LZTFL1: variants seen among roughly 807,000 people sequenced by gnomAD.
The protein encoded by LZTFL1 is leucine zipper transcription factor-like protein 1.
A neutral mutation model predicts 45.9 loss-of-function variants in LZTFL1; 25 were observed. The ratio of observed to expected loss-of-function variants is 0.54; its 90% confidence interval spans 0.40 to 0.76. The LOEUF (loss-of-function observed/expected upper bound fraction) is 0.76, where lower values mean the gene tolerates loss of function less well. LZTFL1 is among the 30% of genes least tolerant of loss of function. LZTFL1 has a pLI of 0.00. For synonymous variants in LZTFL1, 93 were observed against 117.4 expected, an observed-to-expected ratio of 0.79 and a Z score of 1.35; for missense variants, 277 against 331.1, an observed-to-expected ratio of 0.84 and a Z score of 1.27.
At chr3:45,863,536 A>G in intron 2 of LZTFL1, among the ~76,000 whole-genome samples, 1 of 152,210 alleles carries the variant, frequency 6.6e-6, no homozygotes, top group East Asian at 1.9e-4. Flanking sequence ...TGATCCTAGC[A>G]TCAGGAATAG....
At chr3:45,867,236 G>C (rs1701593449) in intron 2 of LZTFL1, among the ~76,000 whole-genome samples, 1 of 149,372 alleles carries the variant, frequency 6.7e-6, no homozygotes, top group South Asian at 2.1e-4. Flanking sequence ...CTTTCACTCA[G>C]TTTCCCCTTT....
intron 2 of LZTFL1, among the ~76,000 whole-genome samples, chr3:45,865,738 G>A (rs996595391): frequency 6.6e-6 from 1 of 152,154 alleles, no homozygotes; most frequent in Non-Finnish European, 1.5e-5. Context: ...CAGTTTGGCA[G>A]TTCCTCAAAA....
At chr3:45,849,516 A>G (rs1204607863) in intron 4 of LZTFL1, among the ~76,000 whole-genome samples, 1 of 152,236 alleles carries the variant, frequency 6.6e-6, no homozygotes, top group African/African-American at 2.4e-5. Context: ...TGATATAAAG[A>G]AAAGTTACAT....
At chr3:45,872,671 C>T (rs1701688158) in intron 2 of LZTFL1, among the ~76,000 whole-genome samples, 1 of 152,142 alleles carries the variant, frequency 6.6e-6, no homozygotes, top group Admixed American at 6.5e-5. Flanking sequence ...GTCTGGGGCA[C>T]ACAATTTGAG....
At chr3:45,836,325 C>T (rs1009906809) in intron 2 of LZTFL1, among the ~76,000 whole-genome samples, 9 of 152,060 alleles carry the variant, frequency 5.9e-5, no homozygotes, top group Non-Finnish European at 1.3e-4. Flanking sequence ...GAACACTCCA[C>T]AAAAATGAAT....
At chr3:45,880,792 T>C (rs1404189608) in intron 2 of LZTFL1, among the ~76,000 whole-genome samples, 1 of 152,140 alleles carries the variant, frequency 6.6e-6, no homozygotes, top group African/African-American at 2.4e-5. Flanking sequence ...GTGTCACTAC[T>C]GTAGTGGGCC....
intron 2 of LZTFL1, among the ~76,000 whole-genome samples, chr3:45,874,971 C>T (rs1434878260): frequency 6.6e-6 from 1 of 152,232 alleles, no homozygotes; most frequent in South Asian, 2.1e-4. Flanking sequence ...CCTGGGCTAG[C>T]AGGCCCAACT....
At chr3:45,830,224 T>C (rs1700778725) in intron 7 of LZTFL1, among the ~76,000 whole-genome samples, 1 of 152,224 alleles carries the variant, frequency 6.6e-6, no homozygotes, top group Admixed American at 6.5e-5. Flanking sequence ...GAAAAGCCAA[T>C]GCTGTACTGA....
At chr3:45,860,636 T>C (rs898813961) in intron 2 of LZTFL1, among the ~76,000 whole-genome samples, 2 of 152,190 alleles carry the variant, frequency 1.3e-5, no homozygotes, top group African/African-American at 4.8e-5. Flanking sequence ...GCCAGGCTCA[T>C]ATGCTTCAGT....
intron 2 of LZTFL1, among the ~76,000 whole-genome samples, chr3:45,885,700 A>G (rs1297722669): frequency 1.3e-5 from 2 of 152,228 alleles, no homozygotes; most frequent in African/African-American, 4.8e-5. Context: ...ACCTGGCATG[A>G]CTGAGAAACT....
In LZTFL1 at chr3:45,902,106, G is replaced by C. The variant is rs201544941; in HGVS notation, c.-215+11014C>G. On this transcript the variant is annotated intron_variant, in intron 2 of 4. Transcript: ENST00000472635. The stretch of plus-strand genomic sequence containing the variant: ...TGCAGGAGGCTGTTGATTGGCTCTT[G>C]ACTGTGATGCCCGCAATTCTCAAAG... 35 of 517,312 alleles carry C rather than the reference G, an allele frequency of 6.8e-5. No homozygotes were observed. In the South Asian group the frequency reaches 1.2e-3, roughly 18 times the overall value. The allele number at this position is 517,312 out of a possible 1,614,324, so 32.0% of individuals were successfully genotyped here. A position where few individuals can be genotyped will look rare whatever the true frequency, so the allele number is the denominator to read the frequency against.
intron 2 of LZTFL1, among the ~76,000 whole-genome samples, chr3:45,874,647 T>C (rs538394307): frequency 5.3e-5 from 8 of 152,180 alleles, no homozygotes; most frequent in Non-Finnish European, 1.2e-4. Flanking sequence ...CAATTAATAG[T>C]CTCCCTGTAT....
intron 2 of LZTFL1, chr3:45,883,802 A>G (rs1477446281): frequency 7.4e-6 from 4 of 540,972 alleles, no homozygotes; most frequent in Non-Finnish European, 1.4e-5. Flanking sequence ...CAAGGCCCCA[A>G]GACCATGAAG....
intron 2 of LZTFL1, among the ~76,000 whole-genome samples, chr3:45,864,063 C>T (rs566436840): frequency 2.0e-5 from 3 of 152,262 alleles, no homozygotes; most frequent in South Asian, 2.1e-4. Context: ...CACAGCTGGA[C>T]ACTATGTGGG....
At chr3:45,840,768 T>A (rs1405917802) in intron 1 of LZTFL1, among the ~76,000 whole-genome samples, 1 of 152,126 alleles carries the variant, frequency 6.6e-6, no homozygotes, top group Non-Finnish European at 1.5e-5. Context: ...CCAGAAAGGG[T>A]TCCCTGTTCT....
In LZTFL1 at chr3:45,912,433, G is replaced by A. The variant is rs186530132; in HGVS notation, c.-215+687C>T. On this transcript the variant is annotated intron_variant, in intron 2 of 4. Transcript: ENST00000472635. The stretch of plus-strand genomic sequence containing the variant: ...TTTTCCCACACCTGGAATCTGGGCT[G>A]GCCTGTGACTTGCTCTGACCAACAG... Among the ~76,000 whole-genome samples, 193 of 152,286 alleles carry A rather than the reference G, an allele frequency of 1.3e-3. 1 individual carries two copies. The highest frequency in any genetic ancestry group is 0.01 in the Middle Eastern group (3 of 294).
chr3:45,890,414 A>T (rs1322323210), intron 2 of LZTFL1, among the ~76,000 whole-genome samples: 1 of 137,672 alleles, frequency 7.3e-6, no homozygotes, highest in Non-Finnish European at 1.5e-5. Flanking sequence ...CAACCTCCGT[A>T]TTCCCCAAGC....
upstream of LZTFL1, among the ~76,000 whole-genome samples, chr3:45,844,894 C>G (rs1459700150): frequency 6.6e-6 from 1 of 152,084 alleles, no homozygotes; most frequent in Non-Finnish European, 1.5e-5. Flanking sequence ...AGTGGTTCAC[C>G]ATAAAATACA....
At chr3:45,839,342 C>A (rs1448330821) in intron 1 of LZTFL1, among the ~76,000 whole-genome samples, 1 of 152,140 alleles carries the variant, frequency 6.6e-6, no homozygotes, top group Non-Finnish European at 1.5e-5. Flanking sequence ...CCTGCCTCGG[C>A]CTCCCAAAGT....
Sources: allele counts gnomAD v4.1 joint callset (sites outside exome capture counted in the v4.1 genomes callset), GRCh38; gene constraint gnomAD v4.1.1; transcripts MANE v1.5; gene names NCBI Gene and HGNC (gene_info 2026-07-23, HGNC 2026-07-21).